Variants in TEX11 observed in about 807,000 individuals in gnomAD.
The protein encoded by TEX11 is testis-expressed protein 11.
TEX11 carries 7 observed loss-of-function variants against 84.4 expected under a neutral mutation model. That is an observed-to-expected ratio of 0.08 (90% CI 0.05 to 0.16). The LOEUF is 0.16. Among genes scored for constraint, TEX11 ranks in the 10% least tolerant of loss-of-function variants. The pLI is 1.00. For missense variants in TEX11, 551 were observed against 660.5 expected, an observed-to-expected ratio of 0.83 and a Z score of 1.82; for synonymous variants, 264 against 222.8, an observed-to-expected ratio of 1.18 and a Z score of -1.64.
intron 11 of TEX11, among the ~76,000 whole-genome samples, chrX:70,730,957 C>T (rs2090644103): frequency 1.8e-5 from 2 of 112,220 alleles, no homozygotes; most frequent in African/African-American, 6.5e-5. Context: ...AACAGTCTCT[C>T]AGACCACAGT....
At chrX:70,579,275 T>A (rs1337882671) in intron 25 of TEX11, among the ~76,000 whole-genome samples, 1 of 104,545 alleles carries the variant, frequency 9.6e-6, no homozygotes, top group Non-Finnish European at 2.0e-5. Flanking sequence ...GATCACGAGG[T>A]CAGGAGATCG....
At chrX:70,882,477 T>C (rs2091688639) in intron 2 of TEX11, among the ~76,000 whole-genome samples, 1 of 110,457 alleles carries the variant, frequency 9.1e-6, no homozygotes, top group African/African-American at 3.3e-5. Context: ...GCCACCAATA[T>C]ACGTTTTAAA....
intron 17 of TEX11, among the ~76,000 whole-genome samples, chrX:70,632,310 TG>T (rs1161139549): frequency 1.8e-5 from 2 of 111,199 alleles, no homozygotes; most frequent in African/African-American, 6.5e-5. Flanking sequence ...AGCAGAAGAA[TG>T]GATATGATAA....
chrX:70,671,615 A>T (rs1330540791), intron 15 of TEX11, among the ~76,000 whole-genome samples: 1 of 109,389 alleles, frequency 9.1e-6, no homozygotes, highest in Non-Finnish European at 1.9e-5. Flanking sequence ...TCAGTAAAAA[A>T]ATAAATAAAG....
Position 70,665,571 on chromosome X carries a change from TA to T in TEX11, c.1380+4805del, listed in dbSNP as rs1441525411. Among the ~76,000 whole-genome samples the T allele has an allele frequency of 4.5e-5, 5 of 111,999 alleles. No homozygotes were observed. In the East Asian group the frequency reaches 8.3e-4, roughly 19 times the overall value. On this transcript the variant is annotated intron_variant, in intron 16 of 29. Coordinates refer to ENST00000374333, the MANE Select transcript of TEX11 (RefSeq NM_031276.3). ...AGATATCTGAATGGATAATAGCAATTAAAAAATTTTTATTTATACAATTTAG... is the reference window on the plus strand; with the variant it reads ...AGATATCTGAATGGATAATAGCAATTAAAAATTTTTATTTATACAATTTAG...
At chrX:70,675,065 C>T (rs2090058935) in intron 15 of TEX11, among the ~76,000 whole-genome samples, 2 of 110,068 alleles carry the variant, frequency 1.8e-5, no homozygotes, top group Admixed American at 9.7e-5. Context: ...GGTATACTTC[C>T]ATTTCTCTCT....
At chrX:70,807,235 T>C (rs772223528) in intron 8 of TEX11, among the ~76,000 whole-genome samples, 1 of 100,752 alleles carries the variant, frequency 9.9e-6, no homozygotes, top group Non-Finnish European at 2.0e-5. Context: ...AGGAGTGAGG[T>C]TGGGAAATGA....
intron 13 of TEX11, among the ~76,000 whole-genome samples, chrX:70,721,895 G>A (rs1021514061): frequency 1.8e-5 from 2 of 111,599 alleles, no homozygotes; most frequent in Non-Finnish European, 3.8e-5. Flanking sequence ...GACACAAACT[G>A]GGAGGAATAG....
intron 9 of TEX11, among the ~76,000 whole-genome samples, chrX:70,747,452 C>T (rs890809810): frequency 2.7e-5 from 3 of 111,800 alleles, no homozygotes; most frequent in Non-Finnish European, 5.7e-5. Context: ...AACAATAAGC[C>T]CCAGAAAGAG....
intron 9 of TEX11, among the ~76,000 whole-genome samples, chrX:70,783,725 G>A (rs2091058146): frequency 8.9e-6 from 1 of 111,757 alleles, no homozygotes; most frequent in South Asian, 3.7e-4. Flanking sequence ...AGAAAATCTC[G>A]AGGGAATGGA....
chrX:70,733,943 G>A (rs1471550852), intron 11 of TEX11, among the ~76,000 whole-genome samples: 4 of 111,673 alleles, frequency 3.6e-5, no homozygotes, highest in African/African-American at 1.3e-4. Flanking sequence ...AGAAAAAGTG[G>A]CACATACACA....
At chrX:70,696,428 T>A (rs1265271414) in intron 13 of TEX11, among the ~76,000 whole-genome samples, 1 of 111,644 alleles carries the variant, frequency 9.0e-6, no homozygotes, top group African/African-American at 3.3e-5. Flanking sequence ...AGGCCTCATA[T>A]TAGTTTTCTA....
At chrX:70,629,578 TA>T (rs1393712891) in intron 18 of TEX11, 32 bp downstream of exon 18, 1 of 1,197,488 alleles carries the variant, frequency 8.4e-7, no homozygotes. Context: ...GGAAAAGGGA[TA>T]AAAATCTAGT....
At chrX:70,626,928 C>G (rs1366549484) in intron 18 of TEX11, among the ~76,000 whole-genome samples, 1 of 111,661 alleles carries the variant, frequency 9.0e-6, no homozygotes, top group African/African-American at 3.3e-5. Flanking sequence ...AAAAGAGGAA[C>G]TAGCAAAGGA....
chrX:70,645,909 T>G (rs374072004), intron 17 of TEX11, among the ~76,000 whole-genome samples: 1 of 103,200 alleles, frequency 9.7e-6, no homozygotes, highest in Non-Finnish European at 2.0e-5. Flanking sequence ...TTCCCAGAAA[T>G]AAAAAAAAAA....
intron 23 of TEX11, 124 bp downstream of exon 23, chrX:70,606,835 C>T (rs12014919): frequency 0.12 from 46,913 of 375,776 alleles, 2,396 homozygotes; most frequent in Middle Eastern, 0.19. Context: ...TTCCTGCTTA[C>T]ATATATATTA....
intron 13 of TEX11, among the ~76,000 whole-genome samples, chrX:70,721,451 T>A (rs6525405): frequency 0.07 from 7,791 of 111,843 alleles, 569 homozygotes; most frequent in African/African-American, 0.21. Flanking sequence ...TTCCATGAAA[T>A]TTTTGTGAAC....
chrX:70,684,305 G>C (rs757629377), intron 13 of TEX11, among the ~76,000 whole-genome samples: 1 of 112,700 alleles, frequency 8.9e-6, no homozygotes, highest in East Asian at 2.8e-4. Flanking sequence ...ATATAAAATA[G>C]TTGGGCACAG....
intron 7 of TEX11, among the ~76,000 whole-genome samples, chrX:70,843,911 G>A (rs1052543258): frequency 9.0e-6 from 1 of 111,594 alleles, no homozygotes; most frequent in African/African-American, 3.3e-5. Context: ...ACCACAATGA[G>A]ATACCATCTC....
Sources: allele counts gnomAD v4.1 joint callset (sites outside exome capture counted in the v4.1 genomes callset), GRCh38; gene constraint gnomAD v4.1.1; transcripts MANE v1.5; gene names NCBI Gene and HGNC (gene_info 2026-07-23, HGNC 2026-07-21).